RRM2: variants seen among roughly 807,000 people sequenced by gnomAD.
The protein encoded by RRM2 is ribonucleotide reductase regulatory subunit M2.
A neutral mutation model predicts 45.9 loss-of-function variants in RRM2; 6 were observed. The observed-to-expected ratio is 0.13, with a 90% CI of 0.07 to 0.26. RRM2 has a LOEUF of 0.26. Ranked by LOEUF, RRM2 falls within the 10% of genes least tolerant of loss-of-function variation. RRM2 has a pLI of 1.00. For synonymous variants in RRM2, 177 were observed against 173.0 expected, an observed-to-expected ratio of 1.02 and a Z score of -0.18; for missense variants, 343 against 489.5, an observed-to-expected ratio of 0.70 and a Z score of 2.82.
At chr2:10,164,983 C>G (rs1227711709) in intron 3 of RRM2, among the ~76,000 whole-genome samples, 2 of 152,218 alleles carry the variant, frequency 1.3e-5, no homozygotes, top group African/African-American at 2.4e-5. Context: ...ACAGAGGGGA[C>G]CCCGCTTTAC....
In RRM2 at chr2:10,205,389, T is replaced by C. The variant is rs140161689; in HGVS notation, n.483-4922T>C. Among the ~76,000 whole-genome samples the C allele has an allele frequency of 4.6e-5, 7 of 152,330 alleles. No individual in the cohort carries two copies. The East Asian group carries it at 1.3e-3, about 29-fold the overall frequency. ...GCAGAACCGAGTTTTCTCTTCACTT[T>C]CAGACTCAAGTCCAGCTTATTGGGG... On this transcript the variant is annotated intron_variant and non_coding_transcript_variant, in intron 3 of 3. Coordinates refer to the RRM2 transcript ENST00000381786. The surrounding 1 kb of genome is among the most constrained non-coding windows in gnomAD (Gnocchi z 4.8).
intron 3 of RRM2, among the ~76,000 whole-genome samples, chr2:10,177,908 C>T (rs1043839975): frequency 6.6e-6 from 1 of 151,916 alleles, no homozygotes; most frequent in Non-Finnish European, 1.5e-5. Flanking sequence ...AGGCATGAGC[C>T]ACTGCGCTCA....
exon 4 of RRM2, chr2:10,210,545 A>G (rs1307280081): frequency 3.7e-6 from 5 of 1,366,818 alleles, no homozygotes; most frequent in Non-Finnish European, 4.9e-6. Flanking sequence ...GACTCCACAC[A>G]GGCCTGCGGA....
chr2:10,149,388 CAA>C (rs1170157896), intron 3 of RRM2, among the ~76,000 whole-genome samples: 1 of 152,196 alleles, frequency 6.6e-6, no homozygotes, highest in Non-Finnish European at 1.5e-5. Context: ...CTCAGCCTCC[CAA>C]AGTGCTGGGA....
chr2:10,165,754 A>T (rs1012318007), intron 3 of RRM2, among the ~76,000 whole-genome samples: 2 of 152,248 alleles, frequency 1.3e-5, no homozygotes, highest in Non-Finnish European at 2.9e-5. Flanking sequence ...AGAGACCGGG[A>T]TGCTGCCTTC....
chr2:10,192,885 T>C (rs1017071332), intron 3 of RRM2, among the ~76,000 whole-genome samples: 1 of 152,216 alleles, frequency 6.6e-6, no homozygotes, highest in East Asian at 1.9e-4. Context: ...CCAGCCTCTG[T>C]CCTCCAGCAG....
intron 3 of RRM2, among the ~76,000 whole-genome samples, chr2:10,186,819 A>ACCCCT (rs958492793): frequency 6.6e-6 from 1 of 152,058 alleles, no homozygotes; most frequent in Non-Finnish European, 1.5e-5. Flanking sequence ...CTCAGCCACT[A>ACCCCT]CCCCTCCCCT....
chr2:10,177,165 G>C (rs1476245627), intron 3 of RRM2, among the ~76,000 whole-genome samples: 1 of 152,096 alleles, frequency 6.6e-6, no homozygotes, highest in Non-Finnish European at 1.5e-5. Flanking sequence ...AGAATCGCTT[G>C]AACCCGGGAG....
chr2:10,124,591 A>C, intron 4 of RRM2, 126 bp from the exon 5 acceptor site: 1 of 1,025,802 alleles, frequency 9.7e-7, no homozygotes, highest in Non-Finnish European at 1.4e-6. Flanking sequence ...ATTGTGACAA[A>C]TTGGATGAAA....
At chr2:10,142,199 G>C (rs932184075) in intron 2 of RRM2, 6 of 1,565,974 alleles carry the variant, frequency 3.8e-6, no homozygotes, top group Admixed American at 1.7e-5. Context: ...CAGTGGAGTG[G>C]GTGTGTACAT....
At chr2:10,179,230 G>A (rs538559860) in intron 3 of RRM2, among the ~76,000 whole-genome samples, 11 of 152,210 alleles carry the variant, frequency 7.2e-5, no homozygotes, top group South Asian at 4.1e-4. Flanking sequence ...TCAGCTCACC[G>A]CAACCTCCAC....
At chr2:10,137,268 C>T (rs1021134638), upstream of RRM2, among the ~76,000 whole-genome samples, 6 of 152,210 alleles carry the variant, frequency 3.9e-5, 1 homozygote, top group South Asian at 8.3e-4. Flanking sequence ...TGTCTACATT[C>T]GTCCCCTCAC....
upstream of RRM2, among the ~76,000 whole-genome samples, chr2:10,139,328 C>T (rs997754184): frequency 2.6e-5 from 4 of 152,208 alleles, no homozygotes; most frequent in African/African-American, 9.7e-5. Context: ...GGCACTGGCT[C>T]ATATTTCTAA....
chr2:10,161,528 A>G (rs1203464163), intron 3 of RRM2, among the ~76,000 whole-genome samples: 2 of 152,068 alleles, frequency 1.3e-5, no homozygotes, highest in African/African-American at 2.4e-5. Context: ...GTGAGGGGCC[A>G]GCCTCATCTC....
intron 3 of RRM2, among the ~76,000 whole-genome samples, chr2:10,202,044 C>T (rs567343880): frequency 3.2e-4 from 49 of 152,250 alleles, no homozygotes; most frequent in Non-Finnish European, 6.0e-4. Flanking sequence ...TGTTAAAGAG[C>T]AGGTTAGTGC....
chr2:10,176,385 C>T (rs1184214212), intron 3 of RRM2, among the ~76,000 whole-genome samples: 1 of 152,182 alleles, frequency 6.6e-6, no homozygotes, highest in Non-Finnish European at 1.5e-5. Flanking sequence ...TCTCCTGCCT[C>T]AGCCTCCCAA....
chr2:10,153,561 C>T (rs1189360209), intron 3 of RRM2, among the ~76,000 whole-genome samples: 1 of 151,974 alleles, frequency 6.6e-6, no homozygotes, highest in Non-Finnish European at 1.5e-5. Flanking sequence ...CCCATATAGG[C>T]CGAGGTTTCT....
Position 10,163,330 on chromosome 2 carries a change from CG to C in RRM2, n.482+20962del, listed in dbSNP as rs1304383652. ...CTGGGCAGAGTGGGGAAAAGACGGGCGGGGGGGTGGGGGGGCATCTGTAGCT... is the reference window on the plus strand; with the variant it reads ...CTGGGCAGAGTGGGGAAAAGACGGGCGGGGGGTGGGGGGGCATCTGTAGCT... On this transcript the variant is annotated intron_variant and non_coding_transcript_variant, in intron 3 of 3. Coordinates refer to the RRM2 transcript ENST00000381786. Among the ~76,000 whole-genome samples, 4 of 18,778 alleles carry C rather than the reference CG, an allele frequency of 2.1e-4. No individual in the cohort carries two copies. In the South Asian group the frequency reaches 2.4e-3, roughly 11 times the overall value. 12.3% of individuals were successfully genotyped at this position (18,778 alleles called of 152,430 possible). A position where few individuals can be genotyped will look rare whatever the true frequency, so the allele number is the denominator to read the frequency against.
At chr2:10,155,074 A>T (rs978115406) in intron 3 of RRM2, 1 of 211,592 alleles carries the variant, frequency 4.7e-6, no homozygotes, top group Non-Finnish European at 9.7e-6. Flanking sequence ...ATTCAAGACC[A>T]TGTTGCTTCC....
Sources: gnomAD v4.1 joint callset for allele counts (sites outside exome capture counted in the v4.1 genomes callset) on GRCh38, gnomAD v4.1.1 for gene constraint, Gnocchi (gnomAD v3.1) non-coding constraint, MANE v1.5 for transcripts, NCBI Gene and HGNC (gene_info 2026-07-23, HGNC 2026-07-21) for gene names.